The following NIPAL2 variants were observed in gnomAD, a reference collection of about 807,000 sequenced individuals.
NIPAL2 encodes NIPA like domain containing 2, also known as NIPA-like protein 2.
In NIPAL2, 43 loss-of-function variants were observed where a neutral mutation model predicts 48.9. The observed-to-expected ratio is 0.88, with a 90% CI of 0.69 to 1.13. The LOEUF (loss-of-function observed/expected upper bound fraction) is 1.13, where lower values mean the gene tolerates loss of function less well. Among genes scored for constraint, NIPAL2 ranks in the 50% most tolerant of loss-of-function variants. NIPAL2 has a pLI of 0.00. For missense variants in NIPAL2, 446 were observed against 461.4 expected, an observed-to-expected ratio of 0.97 and a Z score of 0.31; for synonymous variants, 167 against 174.6, an observed-to-expected ratio of 0.96 and a Z score of 0.34.
chr8:98,193,084 T>C lies in NIPAL2; in HGVS notation c.1046A>G (p.Gln349Arg). 6.2e-7 allele frequency: 1 copy of C among 1,609,988 alleles called. No individual in the cohort carries two copies. Among genetic ancestry groups the C allele is most frequent in the Non-Finnish European group, 8.5e-7 (1 of 1,176,280 alleles). The change falls in exon 11 of 11, where the codon CAA becomes CGA. Residue 349 changes from glutamine (Q) to arginine (R), a missense_variant. Coordinates refer to ENST00000430223, the MANE Select transcript of NIPAL2 (RefSeq NM_001321635.2). The part of the protein sequence containing the change: ...YIDFGNIPGK[Q>R]MLDKIQPDSH... The stretch of plus-strand genomic sequence containing the variant: ...ATCTGGTTGTATTTTGTCCAACATT[T>C]GTTTCCCTGTGGAGATAATAATCAT...
intron 5 of NIPAL2, among the ~76,000 whole-genome samples, chr8:98,222,050 A>G (rs1303219049): frequency 6.6e-6 from 1 of 152,194 alleles, no homozygotes; most frequent in Non-Finnish European, 1.5e-5. Flanking sequence ...TCCATCAATG[A>G]TAGATTGGAT....
intron 1 of NIPAL2, among the ~76,000 whole-genome samples, chr8:98,286,429 C>T (rs183401381): frequency 7.2e-5 from 11 of 152,098 alleles, no homozygotes; most frequent in African/African-American, 2.7e-4. Context: ...TTCAGTGAGG[C>T]ATGGAGCTCA....
rs1360974521 is a variant in NIPAL2, at chr8:98,252,561, C to T, written c.278G>A (p.Gly93Asp). Residue 93 changes from glycine to aspartate, a missense_variant, in exon 3 of 11, where the codon GGT becomes GAT. Physicochemically the swap from Gly to Asp is moderately conservative, Grantham distance 94 (BLOSUM62 -1). Transcript: ENST00000430223. The stretch of plus-strand genomic sequence containing the variant: ...CTCTCCCACGGCCATCAGCAGGACA[C>T]CACCCCACCACAGCACACTCTTGAA... ...PYFKSVLWWGGVLLMAVGETG... is the reference protein window; with the variant it reads ...PYFKSVLWWGDVLLMAVGETG... 1 of 1,613,922 alleles carries T rather than the reference C, an allele frequency of 6.2e-7. No individual in the cohort carries two copies. Among genetic ancestry groups the T allele is most frequent in the African/African-American group, 1.3e-5 (1 of 74,882 alleles).
At chr8:98,208,627 T>A (rs1811155331) in intron 6 of NIPAL2, among the ~76,000 whole-genome samples, 1 of 152,138 alleles carries the variant, frequency 6.6e-6, no homozygotes, top group Admixed American at 6.5e-5. Flanking sequence ...TTTTGTATTT[T>A]TAGTAGAGCT....
intron 1 of NIPAL2, 114 bp from the exon 2 acceptor site, chr8:98,254,201 C>A: frequency 1.4e-6 from 1 of 726,622 alleles, no homozygotes; most frequent in South Asian, 2.2e-5. Context: ...GCCTAGCACC[C>A]ATTTCCCAGG....
chr8:98,244,172 A>G (rs893091533), intron 3 of NIPAL2, among the ~76,000 whole-genome samples: 6 of 148,218 alleles, frequency 4.0e-5, no homozygotes, highest in African/African-American at 1.5e-4. Context: ...TCAAATGCCT[A>G]TAAGGGCCTT....
intron 5 of NIPAL2, among the ~76,000 whole-genome samples, chr8:98,214,563 CTTTT>C (rs11421143): frequency 6.7e-6 from 1 of 149,208 alleles, no homozygotes; most frequent in Non-Finnish European, 1.5e-5. Flanking sequence ...AATTTTTTTT[CTTTT>C]TTTTTTAACC....
chr8:98,208,943 C>T (rs1054693568), intron 6 of NIPAL2, among the ~76,000 whole-genome samples: 3 of 152,054 alleles, frequency 2.0e-5, no homozygotes, highest in East Asian at 1.9e-4. Context: ...TTTTTTAAAA[C>T]GTACTAATGC....
intron 4 of NIPAL2, among the ~76,000 whole-genome samples, chr8:98,235,165 AT>A (rs1812642196): frequency 6.6e-6 from 1 of 152,224 alleles, no homozygotes; most frequent in Non-Finnish European, 1.5e-5. Flanking sequence ...TTTAAAAAAA[AT>A]ATGATCTCCC....
rs188672451 is a variant in NIPAL2, at chr8:98,290,385, T to C, written c.135+3618A>G. 2.6e-5 allele frequency among the ~76,000 whole-genome samples: 4 copies of C among 152,370 alleles called. No individual in the cohort carries two copies. In the East Asian group the frequency reaches 7.7e-4, roughly 29 times the overall value. ...AGAATAAACCTTTCTGACTATGTCCTTGTGAATTTAGACATTTAACAATAT... is the reference window on the plus strand; with the variant it reads ...AGAATAAACCTTTCTGACTATGTCCCTGTGAATTTAGACATTTAACAATAT... On this transcript the variant is annotated intron_variant, in intron 1 of 10. Coordinates refer to ENST00000430223, the MANE Select transcript of NIPAL2 (RefSeq NM_001321635.2).
At chr8:98,215,452 T>C (rs1220493413) in intron 5 of NIPAL2, among the ~76,000 whole-genome samples, 3 of 152,234 alleles carry the variant, frequency 2.0e-5, no homozygotes, top group Non-Finnish European at 4.4e-5. Flanking sequence ...GGCTGCATTA[T>C]TGATTGCAAT....
chr8:98,291,232 C>T (rs1816474860), intron 1 of NIPAL2, among the ~76,000 whole-genome samples: 1 of 152,144 alleles, frequency 6.6e-6, no homozygotes, highest in African/African-American at 2.4e-5. Flanking sequence ...AGTCAGTCTC[C>T]ATCTTCCACC....
chr8:98,259,825 AC>A (rs934561025), intron 1 of NIPAL2, among the ~76,000 whole-genome samples: 2 of 152,190 alleles, frequency 1.3e-5, no homozygotes, highest in African/African-American at 4.8e-5. Context: ...TCCCTAGAGC[AC>A]CCAGCCCCCA....
chr8:98,292,945 A>G (rs1275614799), intron 1 of NIPAL2, among the ~76,000 whole-genome samples: 1 of 152,172 alleles, frequency 6.6e-6, no homozygotes, highest in Admixed American at 6.5e-5. Flanking sequence ...CTATTTTTAT[A>G]TCTTTTATGA....
At position 98,199,567 on chromosome 8, in the gene NIPAL2, T is replaced by C. The variant is rs987918125; in HGVS notation, c.880+3541A>G. On this transcript the variant is annotated intron_variant, in intron 8 of 10. Transcript: ENST00000430223. ...GCATCAGAACACATACATTTATTGA[T>C]AAGTTGGCAGTCTTACACAGGTGCA... 2.6e-5 allele frequency among the ~76,000 whole-genome samples: 4 copies of C among 152,292 alleles called. No homozygotes were observed. The East Asian group carries it at 7.7e-4, about 29-fold the overall frequency.
In NIPAL2 at chr8:98,274,748, C is replaced by T. The variant is rs186688584; in HGVS notation, c.135+19255G>A. ...TTTTCTGTCAAATGGGAAACTTAGT[C>T]CATTTACACTTATTGTGATTGTCAA... On this transcript the variant is annotated intron_variant, in intron 1 of 10. Transcript: ENST00000430223. Among the ~76,000 whole-genome samples the T allele has an allele frequency of 8.4e-4, 128 of 152,054 alleles. 1 individual carries two copies. Among genetic ancestry groups the T allele is most frequent in the African/African-American group, 3.1e-3 (127 of 41,508 alleles).
intron 1 of NIPAL2, 65 bp from the exon 2 acceptor site, chr8:98,254,152 A>G (rs1813747231): frequency 7.6e-7 from 1 of 1,316,422 alleles, no homozygotes; most frequent in African/African-American, 1.5e-5. Context: ...AAAAAGACAA[A>G]TTTAGGTGTT....
intron 1 of NIPAL2, among the ~76,000 whole-genome samples, chr8:98,287,771 A>G (rs1816261502): frequency 6.6e-6 from 1 of 152,232 alleles, no homozygotes; most frequent in Non-Finnish European, 1.5e-5. Flanking sequence ...GGAGAAATTG[A>G]GAAACTTGGC....
intron 3 of NIPAL2, among the ~76,000 whole-genome samples, chr8:98,246,688 C>T (rs553122348): frequency 1.3e-5 from 2 of 152,184 alleles, no homozygotes; most frequent in Non-Finnish European, 2.9e-5. Flanking sequence ...TAAAGTATTG[C>T]CCGAATTTAA....
Sources: gnomAD v4.1 joint callset for allele counts (sites outside exome capture counted in the v4.1 genomes callset) on GRCh38, gnomAD v4.1.1 for gene constraint, MANE v1.5 for transcripts, NCBI Gene and HGNC (gene_info 2026-07-23, HGNC 2026-07-21) for gene names.